Variants in NKAIN3 observed in about 807,000 individuals in gnomAD.
NKAIN3 encodes the protein sodium/potassium transporting ATPase interacting 3.
NKAIN3 carries 25 observed loss-of-function variants against 30.2 expected under a neutral mutation model. That is an observed-to-expected ratio of 0.83 (90% CI 0.60 to 1.16). NKAIN3 has a LOEUF of 1.16. NKAIN3 is among the 50% of genes most tolerant of loss of function. The pLI is 0.00. For synonymous variants in NKAIN3, 91 were observed against 89.6 expected (o/e 1.02, Z -0.09); for missense variants, 225 against 254.1 (o/e 0.89, Z 0.78).
intron 3 of NKAIN3, among the ~76,000 whole-genome samples, chr8:62,739,426 T>C (rs564603038): frequency 7.3e-4 from 111 of 152,292 alleles, no homozygotes; most frequent in Admixed American, 1.2e-3. Flanking sequence ...TGTTTGTTCT[T>C]GTGTTTATTT....
At chr8:62,944,758 T>C (rs1404605266) in intron 5 of NKAIN3, among the ~76,000 whole-genome samples, 1 of 152,186 alleles carries the variant, frequency 6.6e-6, no homozygotes, top group Non-Finnish European at 1.5e-5. Flanking sequence ...TAAATCTTGA[T>C]GAGTAAGTCC....
chr8:62,267,163 A>C (rs1812635804), intron 1 of NKAIN3, among the ~76,000 whole-genome samples: 1 of 152,238 alleles, frequency 6.6e-6, no homozygotes, highest in Non-Finnish European at 1.5e-5. Context: ...TCAAAAACAT[A>C]ATAATTCTGG....
At chr8:62,876,785 G>A (rs991084169) in intron 4 of NKAIN3, among the ~76,000 whole-genome samples, 1 of 152,066 alleles carries the variant, frequency 6.6e-6, no homozygotes, top group African/African-American at 2.4e-5. Flanking sequence ...GACACAGAGA[G>A]GGTAACAATA....
intron 3 of NKAIN3, among the ~76,000 whole-genome samples, chr8:62,704,704 T>G (rs551269311): frequency 6.6e-6 from 1 of 152,346 alleles, no homozygotes; most frequent in South Asian, 2.1e-4. Flanking sequence ...CCAGGATTCC[T>G]CCTTGCAAGC....
At chr8:62,396,280 GA>G (rs1817761484) in intron 1 of NKAIN3, among the ~76,000 whole-genome samples, 1 of 152,072 alleles carries the variant, frequency 6.6e-6, no homozygotes, top group Non-Finnish European at 1.5e-5. Context: ...TTCCCTTTTA[GA>G]ATCTTAGGCA....
chr8:62,765,854 A>C (rs1261119302), intron 4 of NKAIN3, among the ~76,000 whole-genome samples: 1 of 152,090 alleles, frequency 6.6e-6, no homozygotes, highest in Non-Finnish European at 1.5e-5. Flanking sequence ...ACTTCAGTAC[A>C]AGACTTTCTA....
intron 5 of NKAIN3, among the ~76,000 whole-genome samples, chr8:62,941,287 G>A (rs1451601259): frequency 6.6e-6 from 1 of 151,994 alleles, no homozygotes; most frequent in African/African-American, 2.4e-5. Context: ...GAAAAGTCCA[G>A]GACCAGATGG....
At position 62,465,577 on chromosome 8, in the gene NKAIN3, A is replaced by G. The variant is rs897822529; in HGVS notation, c.55-113962A>G. 5.9e-5 allele frequency among the ~76,000 whole-genome samples: 9 copies of G among 152,240 alleles called. No homozygotes were observed. The East Asian group carries it at 7.7e-4, about 13-fold the overall frequency. ...TTTTCCTATATTAATTTCTTCATTC[A>G]GTAAACCATCCAATGTCTCCTTCAT... is the stretch of plus-strand genomic sequence containing the variant. On this transcript the variant is annotated intron_variant, in intron 1 of 6. Transcript: ENST00000623646.
At chr8:62,488,436 G>A (rs1563421666) in intron 1 of NKAIN3, among the ~76,000 whole-genome samples, 1 of 152,042 alleles carries the variant, frequency 6.6e-6, no homozygotes, top group African/African-American at 2.4e-5. Flanking sequence ...ACTGTTCATT[G>A]CCCCATCCCT....
At chr8:62,855,993 A>G (rs1226498389) in intron 4 of NKAIN3, 2 of 690,168 alleles carry the variant, frequency 2.9e-6, no homozygotes, top group African/African-American at 1.8e-5. Context: ...AATCACCAGC[A>G]ACTCCTCAGG....
At chr8:62,332,205 G>A (rs1190472207) in intron 1 of NKAIN3, among the ~76,000 whole-genome samples, 1 of 152,018 alleles carries the variant, frequency 6.6e-6, no homozygotes, top group Non-Finnish European at 1.5e-5. Context: ...TTAACCTCTT[G>A]TTTCTGCTTA....
intron 1 of NKAIN3, among the ~76,000 whole-genome samples, chr8:62,370,913 C>T (rs1311270441): frequency 6.6e-6 from 1 of 151,888 alleles, no homozygotes; most frequent in Non-Finnish European, 1.5e-5. Context: ...AGTAGATGCA[C>T]CAATCAAGTC....
intron 1 of NKAIN3, among the ~76,000 whole-genome samples, chr8:62,310,843 G>A (rs1757806498): frequency 6.7e-6 from 1 of 150,352 alleles, no homozygotes; most frequent in South Asian, 2.1e-4. Flanking sequence ...GAGAGGCTGA[G>A]AGTACATGTG....
chr8:62,869,069 G>T (rs1253772042), intron 4 of NKAIN3, among the ~76,000 whole-genome samples: 1 of 152,208 alleles, frequency 6.6e-6, no homozygotes, highest in African/African-American at 2.4e-5. Context: ...GCCTTTGTTG[G>T]CATGTCCTCT....
chr8:62,290,009 G>C (rs1813532464), intron 1 of NKAIN3, among the ~76,000 whole-genome samples: 1 of 152,110 alleles, frequency 6.6e-6, no homozygotes, highest in African/African-American at 2.4e-5. Flanking sequence ...AAGTGATTGT[G>C]AATGGGAGTT....
intron 6 of NKAIN3, among the ~76,000 whole-genome samples, chr8:62,955,337 G>A (rs1823392192): frequency 1.3e-5 from 2 of 152,146 alleles, no homozygotes; most frequent in Non-Finnish European, 2.9e-5. Flanking sequence ...ATATCACTAA[G>A]TGCTCATAAA....
chr8:62,299,746 A>G (rs1813978820), intron 1 of NKAIN3, among the ~76,000 whole-genome samples: 1 of 152,088 alleles, frequency 6.6e-6, no homozygotes, highest in African/African-American at 2.4e-5. Context: ...GTCTACTAAA[A>G]TAGGTATTTA....
chr8:62,327,999 G>A (rs1481117921), intron 1 of NKAIN3, among the ~76,000 whole-genome samples: 1 of 151,990 alleles, frequency 6.6e-6, no homozygotes. Context: ...TTTTAAAAAT[G>A]TAACTATTTT....
rs564117755 is a variant in NKAIN3 at position 62,738,086 on chromosome 8, G to A, written c.274-8846G>A. Among the ~76,000 whole-genome samples, 500 of 152,172 alleles carry A rather than the reference G, an allele frequency of 3.3e-3. 5 individuals are homozygous for A. Among genetic ancestry groups the A allele is most frequent in the African/African-American group, 0.011 (461 of 41,514 alleles). On this transcript the variant is annotated intron_variant, in intron 3 of 6. Coordinates refer to ENST00000623646, the MANE Select transcript of NKAIN3 (RefSeq NM_001304533.3). Reference sequence around the variant, plus strand: ...TCTGGTTCTAGATCCTTGAGGAATCGCCACACTGTCTTCCACAATGGTTGA... The same window carrying A: ...TCTGGTTCTAGATCCTTGAGGAATCACCACACTGTCTTCCACAATGGTTGA...
Sources: allele counts gnomAD v4.1 joint callset (sites outside exome capture counted in the v4.1 genomes callset), GRCh38; gene constraint gnomAD v4.1.1; transcripts MANE v1.5; gene names NCBI Gene and HGNC (gene_info 2026-07-23, HGNC 2026-07-21).